The following SEMA5A variants were observed in gnomAD, a reference collection of about 807,000 sequenced individuals.
The protein encoded by SEMA5A is semaphorin 5A.
In SEMA5A, 55 loss-of-function variants were observed where a neutral mutation model predicts 135.5. That is an observed-to-expected ratio of 0.41 (90% CI 0.33 to 0.51). SEMA5A has a LOEUF of 0.51. Among genes scored for constraint, SEMA5A ranks in the 20% least tolerant of loss-of-function variants. The probability of loss-of-function intolerance (pLI) is 0.37; values close to 1 mark genes in which losing one functional copy is unlikely to be tolerated. For synonymous variants in SEMA5A, 580 were observed against 546.5 expected (o/e 1.06, Z -0.85); for missense variants, 1,290 against 1,419.9 (o/e 0.91, Z 1.47).
At chr5:9,140,807 A>G (rs1198723162) in intron 12 of SEMA5A, among the ~76,000 whole-genome samples, 1 of 152,176 alleles carries the variant, frequency 6.6e-6, no homozygotes, top group Non-Finnish European at 1.5e-5. Flanking sequence ...CGTGTTTCTT[A>G]TTAAAGCAAC....
At chr5:9,071,742 T>C (rs1056196732) in intron 16 of SEMA5A, among the ~76,000 whole-genome samples, 73 of 152,314 alleles carry the variant, frequency 4.8e-4, no homozygotes, top group African/African-American at 1.7e-3. Flanking sequence ...CTTCAAGTCA[T>C]CTCATCCACA....
chr5:9,100,379 C>T (rs1328177317), intron 16 of SEMA5A, among the ~76,000 whole-genome samples: 2 of 152,178 alleles, frequency 1.3e-5, no homozygotes, highest in Non-Finnish European at 2.9e-5. Flanking sequence ...ACACACTTCC[C>T]TTCCTGTGGC....
chr5:9,337,987 A>G (rs937910876), intron 3 of SEMA5A, among the ~76,000 whole-genome samples, 175 bp from the exon 4 acceptor site: 3 of 152,174 alleles, frequency 2.0e-5, no homozygotes, highest in Admixed American at 1.3e-4. Context: ...CATAAGCCAT[A>G]CTAAGAACTT....
intron 16 of SEMA5A, among the ~76,000 whole-genome samples, chr5:9,067,964 C>CT (rs374780926): frequency 3.0e-4 from 46 of 151,082 alleles, no homozygotes; most frequent in East Asian, 1.4e-3. Flanking sequence ...CCTTTTGTGT[C>CT]TTTTTTTTTG....
At chr5:9,152,787 CA>C (rs1368528290) in intron 12 of SEMA5A, among the ~76,000 whole-genome samples, 1 of 152,202 alleles carries the variant, frequency 6.6e-6, no homozygotes, top group African/African-American at 2.4e-5. Context: ...ACAGCAACAA[CA>C]GGGCTGGGCG....
At chr5:9,214,697 C>A (rs1746518306) in intron 8 of SEMA5A, among the ~76,000 whole-genome samples, 2 of 152,160 alleles carry the variant, frequency 1.3e-5, no homozygotes, top group African/African-American at 4.8e-5. Flanking sequence ...TTGCAAAAGG[C>A]CACAGCATGT....
intron 10 of SEMA5A, among the ~76,000 whole-genome samples, chr5:9,191,500 G>T (rs1745110480): frequency 1.3e-5 from 2 of 152,146 alleles, no homozygotes; most frequent in Non-Finnish European, 2.9e-5. Context: ...ACATAAGTAG[G>T]TTTGATGGAA....
intron 1 of SEMA5A, among the ~76,000 whole-genome samples, chr5:9,469,895 C>G (rs1053801959): frequency 1.3e-5 from 2 of 152,130 alleles, no homozygotes; most frequent in African/African-American, 4.8e-5. Context: ...AGCTCTGAGC[C>G]AGACAAATGT....
At chr5:9,495,305 G>C (rs576412538) in intron 1 of SEMA5A, among the ~76,000 whole-genome samples, 19 of 152,202 alleles carry the variant, frequency 1.2e-4, no homozygotes, top group African/African-American at 4.6e-4. Context: ...CGTCACACAA[G>C]AGCAAATTCA....
chr5:9,433,937 A>C (rs1757942935), intron 2 of SEMA5A, among the ~76,000 whole-genome samples: 1 of 152,208 alleles, frequency 6.6e-6, no homozygotes, highest in Admixed American at 6.5e-5. Flanking sequence ...TTAACCCTCA[A>C]TTAAAAGAAA....
chr5:9,042,250 T>C lies in SEMA5A; in HGVS notation c.*647A>G, dbSNP rs149800076. 1.3e-5 allele frequency: 2 copies of C among 153,024 alleles called. No individual in the cohort carries two copies. The highest frequency in any genetic ancestry group is 6.5e-5 in the Admixed American group (1 of 15,296). 9.5% of individuals were successfully genotyped at this position (153,024 alleles called of 1,614,324 possible). A position where few individuals can be genotyped will look rare whatever the true frequency, so the allele number is the denominator to read the frequency against. On this transcript the variant is annotated 3_prime_UTR_variant, in exon 23 of 23. Coordinates refer to ENST00000382496, the MANE Select transcript of SEMA5A (RefSeq NM_003966.3). ...CCGCTGCCTCCACCAGCACCAGCAA[T>C]GGCACAGAAACTGCATCAGGAGCAA...
chr5:9,398,390 C>T (rs1465929949), intron 2 of SEMA5A, among the ~76,000 whole-genome samples: 5 of 152,188 alleles, frequency 3.3e-5, no homozygotes, highest in Non-Finnish European at 7.3e-5. Context: ...CCCCACATAT[C>T]GTACTGAAGA....
intron 1 of SEMA5A, among the ~76,000 whole-genome samples, chr5:9,519,538 A>G (rs1736700030): frequency 6.6e-6 from 1 of 152,136 alleles, no homozygotes; most frequent in Admixed American, 6.5e-5. Context: ...TTGCTCATTT[A>G]TTTTCTCTAA....
chr5:9,246,272 T>G (rs1301601378), intron 5 of SEMA5A, among the ~76,000 whole-genome samples: 4 of 152,120 alleles, frequency 2.6e-5, no homozygotes, highest in African/African-American at 9.7e-5. Flanking sequence ...ATACATGAAT[T>G]TCCTAAAAGT....
At chr5:9,255,896 C>A (rs565979836) in intron 5 of SEMA5A, among the ~76,000 whole-genome samples, 2 of 147,898 alleles carry the variant, frequency 1.4e-5, no homozygotes, top group African/African-American at 5.0e-5. Context: ...TCCCTCTCTG[C>A]CTCCCAACTT....
At chr5:9,255,668 T>C (rs1749030878) in intron 5 of SEMA5A, among the ~76,000 whole-genome samples, 1 of 152,200 alleles carries the variant, frequency 6.6e-6, no homozygotes, top group South Asian at 2.1e-4. Flanking sequence ...AATGGTGGCA[T>C]GGCCCTGGCA....
intron 3 of SEMA5A, among the ~76,000 whole-genome samples, chr5:9,369,191 T>C (rs1018048456): frequency 1.3e-5 from 2 of 152,194 alleles, no homozygotes; most frequent in African/African-American, 4.8e-5. Context: ...TAAGACTTTA[T>C]ATATGCTGGA....
At chr5:9,433,490 G>T (rs1359961253) in intron 2 of SEMA5A, among the ~76,000 whole-genome samples, 1 of 151,778 alleles carries the variant, frequency 6.6e-6, no homozygotes, top group African/African-American at 2.4e-5. Flanking sequence ...CTTAAAATCT[G>T]TAAGAAAAAT....
At chr5:9,126,105 G>A (rs1387312108) in intron 13 of SEMA5A, among the ~76,000 whole-genome samples, 1 of 152,130 alleles carries the variant, frequency 6.6e-6, no homozygotes, top group Non-Finnish European at 1.5e-5. Context: ...TTGCATCATA[G>A]TTACACAATA....
Sources: gnomAD v4.1 joint callset for allele counts (sites outside exome capture counted in the v4.1 genomes callset) on GRCh38, gnomAD v4.1.1 for gene constraint, MANE v1.5 for transcripts, NCBI Gene and HGNC (gene_info 2026-07-23, HGNC 2026-07-21) for gene names.